ACAP2: variants seen among roughly 807,000 people sequenced by gnomAD.
ACAP2 encodes the protein ArfGAP with coiled-coil, ankyrin repeat and PH domains 2.
A neutral mutation model predicts 115.8 loss-of-function variants in ACAP2; 39 were observed. The observed-to-expected ratio is 0.34, with a 90% CI of 0.26 to 0.44. The LOEUF (loss-of-function observed/expected upper bound fraction) is 0.44, where lower values mean the gene tolerates loss of function less well. ACAP2 is among the 20% of genes least tolerant of loss of function. The pLI, the probability that ACAP2 is intolerant of heterozygous loss-of-function variation, is 1.00. For missense variants in ACAP2, 662 were observed against 927.6 expected, an observed-to-expected ratio of 0.71 and a Z score of 3.72; for synonymous variants, 289 against 315.8, an observed-to-expected ratio of 0.92 and a Z score of 0.90.
chr3:195,386,838 A>G (rs1165266387), intron 2 of ACAP2, among the ~76,000 whole-genome samples: 2 of 152,084 alleles, frequency 1.3e-5, no homozygotes, highest in Non-Finnish European at 2.9e-5. Context: ...TCACAAGCGG[A>G]TAGTGAAAGA....
intron 9 of ACAP2, 129 bp from the exon 10 acceptor site, chr3:195,320,942 A>C: frequency 1.8e-6 from 1 of 550,462 alleles, no homozygotes; most frequent in Non-Finnish European, 3.3e-6. Context: ...AATATTAATA[A>C]GAAAAATGAA....
intron 4 of ACAP2, among the ~76,000 whole-genome samples, chr3:195,377,426 T>C (rs952036374): frequency 3.9e-5 from 6 of 152,078 alleles, no homozygotes; most frequent in Admixed American, 1.3e-4. Context: ...ATTACAGGTA[T>C]GAGCCACCAC....
intron 11 of ACAP2, among the ~76,000 whole-genome samples, chr3:195,307,980 G>C (rs73069060): frequency 0.01 from 1,534 of 152,150 alleles, 25 homozygotes; most frequent in African/African-American, 0.035. Context: ...AAAGTAACTA[G>C]GTGAAAAGCA....
intron 7 of ACAP2, chr3:195,336,232 C>A: frequency 7.6e-6 from 1 of 132,286 alleles, no homozygotes; most frequent in Non-Finnish European, 1.7e-5. Context: ...AAAAATAGGG[C>A]TCCCCACCGC....
At position 195,275,317 on chromosome 3, in the gene ACAP2, G is replaced by T. The variant is rs1238320403; in HGVS notation, c.*4011C>A. On this transcript the variant is annotated 3_prime_UTR_variant, in exon 23 of 23. Transcript: ENST00000326793. ...GGATAAATTTATGTAAACAGAAAAA[G>T]ATGTCCACAAAACCATATCTGTAGA... 1 of 152,164 alleles carries T rather than the reference G, an allele frequency of 6.6e-6. No homozygotes were observed. The highest frequency in any genetic ancestry group is 1.5e-5 in the Non-Finnish European group (1 of 68,016). 9.4% of individuals were successfully genotyped at this position (152,164 alleles called of 1,614,324 possible).
chr3:195,352,865 G>A (rs1420716379), intron 4 of ACAP2, among the ~76,000 whole-genome samples: 2 of 152,056 alleles, frequency 1.3e-5, no homozygotes, highest in Non-Finnish European at 2.9e-5. Context: ...CAGATCACTT[G>A]AGGTCAGGAG....
chr3:195,401,510 CA>C (rs1417437857), intron 1 of ACAP2, among the ~76,000 whole-genome samples: 1 of 151,958 alleles, frequency 6.6e-6, no homozygotes, highest in Non-Finnish European at 1.5e-5. Context: ...ACTAAAAATA[CA>C]AAAAAATTAG....
chr3:195,334,905 T>G (rs553661818), intron 7 of ACAP2, among the ~76,000 whole-genome samples: 5 of 152,134 alleles, frequency 3.3e-5, no homozygotes, highest in Non-Finnish European at 7.4e-5. Flanking sequence ...TGTTCTAAGG[T>G]CAAAAACAAG....
chr3:195,442,718 G>C (rs564037475), intron 1 of ACAP2, 77 bp downstream of exon 1: 20 of 1,456,424 alleles, frequency 1.4e-5, no homozygotes, highest in Non-Finnish European at 1.6e-5. Context: ...CCTCCTCCGG[G>C]TGCGCGGGCC....
intron 1 of ACAP2, among the ~76,000 whole-genome samples, chr3:195,427,319 A>T (rs1714757213): frequency 6.6e-6 from 1 of 152,168 alleles, no homozygotes. Flanking sequence ...TGATCTCCAG[A>T]ACTGTAAAAT....
chr3:195,301,186 C>T (rs113844312), intron 15 of ACAP2, among the ~76,000 whole-genome samples: 3,277 of 151,896 alleles, frequency 0.022, 115 homozygotes, highest in East Asian at 0.1. Flanking sequence ...CCCGGGTTCA[C>T]GCCATTCTCC....
intron 1 of ACAP2, chr3:195,413,049 A>T (rs1038872374): frequency 3.7e-6 from 1 of 270,696 alleles, no homozygotes; most frequent in Non-Finnish European, 7.7e-6. Context: ...ATTTAAGAAA[A>T]ATTAAAATAT....
intron 2 of ACAP2, among the ~76,000 whole-genome samples, chr3:195,385,180 A>T (rs1327517340): frequency 6.6e-6 from 1 of 151,954 alleles, no homozygotes; most frequent in South Asian, 2.1e-4. Context: ...TGGGAGGCCA[A>T]GATGGGAGGA....
chr3:195,437,074 G>T (rs1336801678), intron 1 of ACAP2, among the ~76,000 whole-genome samples: 1 of 152,138 alleles, frequency 6.6e-6, no homozygotes, highest in East Asian at 1.9e-4. Flanking sequence ...AAGAGACAGG[G>T]TCTTGCTCTG....
rs957596834 is a variant in ACAP2, at chr3:195,413,509, G to A, written c.54-21362C>T. Among the ~76,000 whole-genome samples, 5 of 152,158 alleles carry A rather than the reference G, an allele frequency of 3.3e-5. 1 individual carries two copies. The highest frequency in any genetic ancestry group is 7.3e-5 in the Non-Finnish European group (5 of 68,032). On this transcript the variant is annotated intron_variant, in intron 1 of 22. Coordinates refer to ENST00000326793, the MANE Select transcript of ACAP2 (RefSeq NM_012287.6). Reference sequence around the variant, plus strand: ...CATGACTATAATGACAGCACTTTGAGAGGCTGAGGCGGGCATATCACTTGA... The same window carrying A: ...CATGACTATAATGACAGCACTTTGAAAGGCTGAGGCGGGCATATCACTTGA...
At chr3:195,392,224 G>T in intron 1 of ACAP2, 77 bp from the exon 2 acceptor site, 1 of 1,170,474 alleles carries the variant, frequency 8.5e-7, no homozygotes, top group South Asian at 1.4e-5. Context: ...AACTCTAAAT[G>T]AAAAGATAGA....
At chr3:195,327,640 C>T (rs2050809) in intron 8 of ACAP2, among the ~76,000 whole-genome samples, 126,723 of 152,124 alleles carry the variant, frequency 0.83, 53,065 homozygotes, top group East Asian at 0.94. Context: ...TTAATAAAAC[C>T]ATAAAACCTG....
intron 1 of ACAP2, among the ~76,000 whole-genome samples, chr3:195,437,082 C>G (rs1009259099): frequency 6.6e-6 from 1 of 152,188 alleles, no homozygotes; most frequent in Non-Finnish European, 1.5e-5. Flanking sequence ...GGGTCTTGCT[C>G]TGTCTTCCAA....
chr3:195,427,898 C>T (rs1714802379), intron 1 of ACAP2, among the ~76,000 whole-genome samples: 1 of 151,634 alleles, frequency 6.6e-6, no homozygotes. Context: ...CAGAGTGAGA[C>T]CCCATCTCAA....
Sources: gnomAD v4.1 joint callset for allele counts (sites outside exome capture counted in the v4.1 genomes callset) on GRCh38, gnomAD v4.1.1 for gene constraint, MANE v1.5 for transcripts, NCBI Gene and HGNC (gene_info 2026-07-23, HGNC 2026-07-21) for gene names.